Variants in SDAD1 observed in about 807,000 individuals in gnomAD.
SDAD1 encodes protein SDA1 homolog.
SDAD1 carries 79 observed loss-of-function variants against 100.3 expected under a neutral mutation model. That is an observed-to-expected ratio of 0.79 (90% CI 0.66 to 0.95). SDAD1 has a LOEUF of 0.95. Ranked by LOEUF, SDAD1 falls within the 40% of genes least tolerant of loss-of-function variation. The probability of loss-of-function intolerance (pLI) is 0.00; values close to 1 mark genes in which losing one functional copy is unlikely to be tolerated. For missense variants in SDAD1, 790 were observed against 810.9 expected, an observed-to-expected ratio of 0.97 and a Z score of 0.31; for synonymous variants, 267 against 271.4, an observed-to-expected ratio of 0.98 and a Z score of 0.16.
At chr4:75,980,416 G>A (rs1294701262) in intron 3 of SDAD1, among the ~76,000 whole-genome samples, 1 of 152,232 alleles carries the variant, frequency 6.6e-6, no homozygotes, top group Admixed American at 6.5e-5. Flanking sequence ...TCTACAAGTT[G>A]TGCTATAGGA....
At chr4:75,974,477 G>A (rs918949871) in intron 6 of SDAD1, among the ~76,000 whole-genome samples, 24 of 150,156 alleles carry the variant, frequency 1.6e-4, no homozygotes, top group Admixed American at 1.1e-3. Context: ...GCACTTTGGA[G>A]GGCCAAGGCA....
chr4:75,974,763 C>T (rs961597407), intron 6 of SDAD1, among the ~76,000 whole-genome samples: 3 of 151,318 alleles, frequency 2.0e-5, no homozygotes, highest in Non-Finnish European at 4.4e-5. Context: ...ATATATAGGC[C>T]GGGCGCAGTG....
intron 4 of SDAD1, 31 bp downstream of exon 4, chr4:75,977,615 G>T (rs1730224746): frequency 7.6e-7 from 1 of 1,310,158 alleles, no homozygotes; most frequent in Non-Finnish European, 1.1e-6. Context: ...CCTCAAGGAA[G>T]ATGCAGGGAA....
At chr4:75,977,861 C>T in intron 3 of SDAD1, 105 bp from the exon 4 acceptor site, 1 of 673,008 alleles carries the variant, frequency 1.5e-6, no homozygotes, top group Non-Finnish European at 2.6e-6. Flanking sequence ...TAACTAGACA[C>T]TATTGTAGGA....
intron 6 of SDAD1, among the ~76,000 whole-genome samples, 178 bp from the exon 7 acceptor site, chr4:75,974,311 T>C (rs1432734089): frequency 1.3e-5 from 2 of 150,432 alleles, no homozygotes; most frequent in African/African-American, 2.4e-5. Flanking sequence ...AAACATTTCA[T>C]CAGATTTTAG....
chr4:75,970,804 G>C (rs1233639286), intron 9 of SDAD1, among the ~76,000 whole-genome samples: 3 of 152,108 alleles, frequency 2.0e-5, no homozygotes, highest in Non-Finnish European at 4.4e-5. Context: ...AAAGTGTTTG[G>C]CAGATCTCCT....
chr4:75,960,119 G>A lies in SDAD1; in HGVS notation c.1430C>T (p.Pro477Leu), dbSNP rs1396618535. ...YGELDAKDYIPGAEVLEVEKE... is the reference protein window; with the variant it reads ...YGELDAKDYILGAEVLEVEKE... ...CTCAACTTCCAGAACTTCTGCTCCT[G>A]GAATGTAATCTTTAGCATCTAATTC... Residue 477 changes from proline (P) to leucine (L), a missense_variant, in exon 17 of 22, where the codon CCA (proline) becomes CTA (leucine). Physicochemically the swap from Pro to Leu is moderately conservative, Grantham distance 98 (BLOSUM62 -3). Coordinates refer to ENST00000356260, the MANE Select transcript of SDAD1 (RefSeq NM_018115.4). 2.5e-6 allele frequency: 4 copies of A among 1,611,766 alleles called. No individual in the cohort carries two copies. The highest frequency in any genetic ancestry group is 3.4e-6 in the Non-Finnish European group (4 of 1,179,550).
chr4:75,959,917 T>C lies in SDAD1; in HGVS notation c.1483+149A>G, dbSNP rs1194884830. On this transcript the variant is annotated intron_variant, in intron 17 of 21. Coordinates refer to ENST00000356260, the MANE Select transcript of SDAD1 (RefSeq NM_018115.4). The stretch of plus-strand genomic sequence containing the variant: ...CGCAAGAGGAGGAACCATGCTCAAT[T>C]GATCCCCCATACTTCTAACAGTGCG... 6 of 751,876 alleles carry C rather than the reference T, an allele frequency of 8.0e-6. 1 individual carries two copies. The highest frequency in any genetic ancestry group is 6.6e-5 in the South Asian group (2 of 30,356). 46.6% of individuals were successfully genotyped at this position (751,876 alleles called of 1,614,324 possible).
At chr4:75,974,680 G>A (rs748935393) in intron 6 of SDAD1, among the ~76,000 whole-genome samples, 6 of 151,798 alleles carry the variant, frequency 4.0e-5, no homozygotes, top group Non-Finnish European at 8.8e-5. Flanking sequence ...TTGCACTCCA[G>A]CCTGGGCAAC....
intron 21 of SDAD1, among the ~76,000 whole-genome samples, chr4:75,951,641 T>G (rs1728634527): frequency 6.6e-6 from 1 of 152,162 alleles, no homozygotes; most frequent in Non-Finnish European, 1.5e-5. Context: ...AGGGTAGAAC[T>G]GGAAGGTGAA....
At chr4:75,956,540 G>T (rs1352475916) in intron 20 of SDAD1, among the ~76,000 whole-genome samples, 1 of 152,058 alleles carries the variant, frequency 6.6e-6, no homozygotes, top group Non-Finnish European at 1.5e-5. Context: ...AGAGGATGAG[G>T]TGGAACTAGG....
rs1376829028 is a variant in SDAD1, at chr4:75,971,418, G to T, written c.752C>A (p.Ala251Asp). Residue 251 changes from alanine to aspartate, a missense_variant, in exon 9 of 22, where the codon GCT (alanine) becomes GAT (aspartate). Coordinates refer to ENST00000356260, the MANE Select transcript of SDAD1 (RefSeq NM_018115.4). ...PTARDLLVQY[A>D]TGKKSSKNKK... ...GTTTTTGGAACTTTTCTTCCCTGTA[G>T]CATATTGTACTAGCAGGTCTCTTGC... 1 of 1,613,882 alleles carries T rather than the reference G, an allele frequency of 6.2e-7. No homozygotes were observed. Among genetic ancestry groups the T allele is most frequent in the South Asian group, 1.1e-5 (1 of 91,080 alleles).
chr4:75,990,915 A>T lies in SDAD1; in HGVS notation c.-74T>A, dbSNP rs1731234633. The T allele has an allele frequency of 6.3e-7, 1 of 1,579,358 alleles. No individual in the cohort carries two copies. Among genetic ancestry groups the T allele is most frequent in the Non-Finnish European group, 8.7e-7 (1 of 1,151,804 alleles). ...CGGCCGGCACCCCGCAATCCCTGCC[A>T]GCTGCAGCTTGGACTCGTGTTTCCG... On this transcript the variant is annotated 5_prime_UTR_variant, in exon 1 of 22. Coordinates refer to ENST00000356260, the MANE Select transcript of SDAD1 (RefSeq NM_018115.4).
Position 75,964,889 on chromosome 4 carries a change from C to T in SDAD1, c.1105-678G>A, listed in dbSNP as rs576839532. ...ATGCCTGTCTTTAATCTCTTAATCC[C>T]GTCATCTTCATAAACTGAGGATGTA... is the stretch of plus-strand genomic sequence containing the variant. On this transcript the variant is annotated intron_variant, in intron 13 of 21. Coordinates refer to ENST00000356260, the MANE Select transcript of SDAD1 (RefSeq NM_018115.4). Among the ~76,000 whole-genome samples, 275 of 152,228 alleles carry T rather than the reference C, an allele frequency of 1.8e-3. 2 individuals are homozygous for T. The highest frequency in any genetic ancestry group is 3.4e-3 in the Middle Eastern group (1 of 294).
chr4:75,962,357 A>G (rs1427108733), intron 14 of SDAD1, among the ~76,000 whole-genome samples: 7 of 152,202 alleles, frequency 4.6e-5, no homozygotes, highest in African/African-American at 7.2e-5. Flanking sequence ...TGCAATAAAC[A>G]TATGTGTGCA....
At chr4:75,983,578 CATAA>C (rs1198885467) in intron 1 of SDAD1, among the ~76,000 whole-genome samples, 1 of 152,038 alleles carries the variant, frequency 6.6e-6, no homozygotes, top group Non-Finnish European at 1.5e-5. Flanking sequence ...TTGTTGGCCG[CATAA>C]ATGTCTTCTT....
At position 75,965,770 on chromosome 4, in the gene SDAD1, G is replaced by T; in HGVS notation, c.1098C>A (p.Pro366=). ...TCAGGTTACAGGTTCTCACCTCTGG[G>T]GGTACTAGGTGATGAGATGCTTGTG... The part of the protein sequence containing the change: ...FAAQASHHLV[P]PEIIQSLLMT... Residue 366 remains proline (P), a synonymous_variant, in exon 13 of 22, where the codon CCC becomes CCA. Coordinates refer to ENST00000356260, the MANE Select transcript of SDAD1 (RefSeq NM_018115.4). 8 of 1,613,098 alleles carry T rather than the reference G, an allele frequency of 5.0e-6. No homozygotes were observed. Among genetic ancestry groups the T allele is most frequent in the Non-Finnish European group, 6.8e-6 (8 of 1,179,224 alleles).
At chr4:75,976,817 T>C (rs1220255891) in intron 4 of SDAD1, among the ~76,000 whole-genome samples, 1 of 152,222 alleles carries the variant, frequency 6.6e-6, no homozygotes, top group Non-Finnish European at 1.5e-5. Context: ...ATATCACTGG[T>C]GCCCACACCA....
chr4:75,973,538 AT>A, intron 7 of SDAD1, 147 bp from the exon 8 acceptor site: 1 of 610,792 alleles, frequency 1.6e-6, no homozygotes. Flanking sequence ...TTTTTTCTTA[AT>A]TAAAAGTTGT....
Sources: gnomAD v4.1 joint callset for allele counts (sites outside exome capture counted in the v4.1 genomes callset) on GRCh38, gnomAD v4.1.1 for gene constraint, MANE v1.5 for transcripts, NCBI Gene and HGNC (gene_info 2026-07-23, HGNC 2026-07-21) for gene names.